Variants in CACNA1E observed in about 807,000 individuals in gnomAD.
The protein encoded by CACNA1E is voltage-dependent R-type calcium channel subunit alpha-1E.
A neutral mutation model predicts 259.2 loss-of-function variants in CACNA1E; 40 were observed. The ratio of observed to expected loss-of-function variants is 0.15; its 90% CI spans 0.12 to 0.20. CACNA1E has a LOEUF of 0.20. CACNA1E is among the 10% of genes least tolerant of loss of function. The probability of loss-of-function intolerance (pLI) is 1.00; values close to 1 mark genes in which losing one functional copy is unlikely to be tolerated. For missense variants in CACNA1E, 1,874 were observed against 3,040.1 expected (o/e 0.62, Z 9.02); for synonymous variants, 1,104 against 1,138.5 (o/e 0.97, Z 0.61).
chr1:181,501,000 C>T (rs1315566507), intron 1 of CACNA1E, among the ~76,000 whole-genome samples: 2 of 152,214 alleles, frequency 1.3e-5, no homozygotes, highest in Admixed American at 6.5e-5. Context: ...TGCCAGAACT[C>T]TTGATGGGCT....
intron 2 of CACNA1E, among the ~76,000 whole-genome samples, chr1:181,470,998 G>A (rs1341888942): frequency 2.0e-5 from 3 of 152,214 alleles, no homozygotes; most frequent in African/African-American, 7.2e-5. Flanking sequence ...AGCCTGGGAA[G>A]TCAAAGATCA....
chr1:181,417,286 C>T (rs530482119), intron 2 of CACNA1E, among the ~76,000 whole-genome samples: 6 of 152,254 alleles, frequency 3.9e-5, no homozygotes, highest in Non-Finnish European at 7.4e-5. Context: ...AAATAGTGAC[C>T]TTTCACTTGA....
chr1:181,748,125 T>C (rs919873357), intron 25 of CACNA1E, among the ~76,000 whole-genome samples: 3 of 151,908 alleles, frequency 2.0e-5, no homozygotes, highest in African/African-American at 4.9e-5. Context: ...CAATGACTAA[T>C]TTTATTTTTT....
intron 1 of CACNA1E, among the ~76,000 whole-genome samples, chr1:181,403,577 G>A (rs1657255548): frequency 6.6e-6 from 1 of 152,056 alleles, no homozygotes; most frequent in Admixed American, 6.5e-5. Context: ...TATAGAGGAT[G>A]AACTACAACC....
chr1:181,620,246 T>A (rs985708977), intron 6 of CACNA1E, among the ~76,000 whole-genome samples: 9 of 152,128 alleles, frequency 5.9e-5, no homozygotes, highest in Non-Finnish European at 1.0e-4. Flanking sequence ...TGGATCAGCT[T>A]AAGCCAGCCT....
chr1:181,515,168 A>T (rs1389145623), intron 3 of CACNA1E, among the ~76,000 whole-genome samples: 1 of 151,952 alleles, frequency 6.6e-6, no homozygotes, highest in Non-Finnish European at 1.5e-5. Context: ...GCAGTGTGGG[A>T]TGAGCTCAGG....
chr1:181,606,430 C>A (rs1269505602), intron 6 of CACNA1E, among the ~76,000 whole-genome samples: 2 of 152,276 alleles, frequency 1.3e-5, no homozygotes, highest in East Asian at 3.9e-4. Flanking sequence ...ATGGATGCTA[C>A]CTCCAAAATA....
At chr1:181,715,881 CGT>C (rs1653840215) in intron 9 of CACNA1E, among the ~76,000 whole-genome samples, 157 bp from the exon 10 acceptor site, 1 of 152,162 alleles carries the variant, frequency 6.6e-6, no homozygotes, top group Non-Finnish European at 1.5e-5. Flanking sequence ...GGTAGACATC[CGT>C]GATTTCTGTT....
intron 18 of CACNA1E, among the ~76,000 whole-genome samples, chr1:181,729,551 C>T (rs1321080041): frequency 1.3e-5 from 2 of 152,170 alleles, no homozygotes; most frequent in African/African-American, 4.8e-5. Context: ...GAGAGAAAAC[C>T]ACTCCGATCT....
At chr1:181,597,855 G>C (rs1223905202) in intron 6 of CACNA1E, among the ~76,000 whole-genome samples, 1 of 152,180 alleles carries the variant, frequency 6.6e-6, no homozygotes, top group African/African-American at 2.4e-5. Context: ...GATCTTGTGA[G>C]ACTCATTCAC....
chr1:181,512,218 G>T (rs1212047063), intron 3 of CACNA1E, among the ~76,000 whole-genome samples: 1 of 152,248 alleles, frequency 6.6e-6, no homozygotes, highest in Non-Finnish European at 1.5e-5. Context: ...GCCCTTGGCA[G>T]CAAATGTGTT....
intron 38 of CACNA1E, among the ~76,000 whole-genome samples, chr1:181,777,955 G>A (rs1660108422): frequency 1.3e-5 from 2 of 152,176 alleles, no homozygotes; most frequent in Non-Finnish European, 1.5e-5. Flanking sequence ...GCTTCTTGTG[G>A]TTTCACTTAT....
chr1:181,695,002 C>T (rs1261117661), intron 7 of CACNA1E, among the ~76,000 whole-genome samples: 2 of 152,010 alleles, frequency 1.3e-5, no homozygotes, highest in African/African-American at 4.8e-5. Flanking sequence ...ACTACAAGAG[C>T]TAATTAAGTG....
intron 3 of CACNA1E, among the ~76,000 whole-genome samples, chr1:181,561,024 G>A (rs1257468046): frequency 6.6e-6 from 1 of 152,156 alleles, no homozygotes; most frequent in Non-Finnish European, 1.5e-5. Context: ...CTCATATTAG[G>A]TACTTAGAGT....
At chr1:181,652,464 A>G (rs79578966) in intron 7 of CACNA1E, among the ~76,000 whole-genome samples, 2,084 of 152,358 alleles carry the variant, frequency 0.014, 16 homozygotes, top group Middle Eastern at 0.024. Flanking sequence ...CAAAGAGAAC[A>G]AGAGGAATGA....
At chr1:181,541,890 C>T (rs1234383348) in intron 3 of CACNA1E, among the ~76,000 whole-genome samples, 1 of 152,170 alleles carries the variant, frequency 6.6e-6, no homozygotes, top group Non-Finnish European at 1.5e-5. Context: ...GGCCCTTGCT[C>T]CCCACCATTG....
chr1:181,569,102 A>T (rs1423811537), intron 3 of CACNA1E, among the ~76,000 whole-genome samples: 1 of 152,192 alleles, frequency 6.6e-6, no homozygotes, highest in Non-Finnish European at 1.5e-5. Flanking sequence ...CTCATCTGCC[A>T]CTTCCACAGT....
intron 2 of CACNA1E, among the ~76,000 whole-genome samples, chr1:181,439,021 A>T (rs1379781752): frequency 6.6e-6 from 1 of 152,246 alleles, no homozygotes. Context: ...AGATTTTCAC[A>T]ACAGTGTTGA....
At chr1:181,672,423 G>T (rs1399697319) in intron 7 of CACNA1E, among the ~76,000 whole-genome samples, 3 of 152,220 alleles carry the variant, frequency 2.0e-5, no homozygotes, top group African/African-American at 7.2e-5. Context: ...AGTGGGGAAA[G>T]TTGCCCTAGT....
Sources: gnomAD v4.1 joint callset for allele counts (sites outside exome capture counted in the v4.1 genomes callset) on GRCh38, gnomAD v4.1.1 for gene constraint, MANE v1.5 for transcripts, NCBI Gene and HGNC (gene_info 2026-07-23, HGNC 2026-07-21) for gene names.